FBF1: variants seen among roughly 807,000 people sequenced by gnomAD.
The protein encoded by FBF1 is Fas binding factor 1.
A neutral mutation model predicts 147.2 loss-of-function variants in FBF1; 119 were observed. The observed-to-expected ratio is 0.81, with a 90% CI of 0.70 to 0.94. FBF1 has a LOEUF of 0.94. FBF1 is among the 40% of genes least tolerant of loss of function. The pLI, the probability that FBF1 is intolerant of heterozygous loss-of-function variation, is 0.00. For missense variants in FBF1, 1,449 were observed against 1,500.8 expected (o/e 0.97, Z 0.57); for synonymous variants, 601 against 609.0 (o/e 0.99, Z 0.19).
In FBF1 at chr17:75,925,179, G is replaced by A. The variant is rs1020040859; in HGVS notation, c.968+168C>T. ...TCTCCTCCACTCTGTCTGGGCTGGCGGGACCAGGCCATCTCCCGCTTCCTT... is the reference window on the plus strand; with the variant it reads ...TCTCCTCCACTCTGTCTGGGCTGGCAGGACCAGGCCATCTCCCGCTTCCTT... On this transcript the variant is annotated intron_variant, in intron 13 of 29. Transcript: ENST00000636174. This position sits in a 1 kb window ranked among gnomAD's most constrained non-coding sequence, Gnocchi z 5.0. Among the ~76,000 whole-genome samples, 2 of 152,196 alleles carry A rather than the reference G, an allele frequency of 1.3e-5. No homozygotes were observed. The highest frequency in any genetic ancestry group is 2.1e-4 in the South Asian group (1 of 4,828).
chr17:75,918,252 A>C lies in FBF1; in HGVS notation c.2156T>G (p.Met719Arg), dbSNP rs774295253. Residue 719 changes from methionine (M) to arginine (R), a missense_variant, in exon 21 of 30, where the codon ATG becomes AGG. By Grantham distance (91) the Met-to-Arg change is moderately conservative (BLOSUM62 -1). Transcript: ENST00000636174. This position sits in a 1 kb window ranked among gnomAD's most constrained non-coding sequence, Gnocchi z 5.8. ...CAGCTGCTCCTCGTGGTCTCTGCGCATGTCTAGGATGGACGCCCTGAGGGG... is the reference window on the plus strand; with the variant it reads ...CAGCTGCTCCTCGTGGTCTCTGCGCCTGTCTAGGATGGACGCCCTGAGGGG... The part of the protein sequence containing the change: ...RELQRASILD[M>R]RRDHEEQLQR... 6.2e-6 allele frequency: 10 copies of C among 1,612,814 alleles called. No homozygotes were observed. Among genetic ancestry groups the C allele is most frequent in the Admixed American group, 1.7e-5 (1 of 59,964 alleles).
At position 75,920,050 on chromosome 17, in the gene FBF1, G is replaced by C; in HGVS notation, c.1888C>G (p.Gln630Glu). 2 of 1,601,816 alleles carry C rather than the reference G, an allele frequency of 1.2e-6. No individual in the cohort carries two copies. Among genetic ancestry groups the C allele is most frequent in the Admixed American group, 1.7e-5 (1 of 57,984 alleles). ...QHELLLGSLQ[Q>E]QHQADLELIE... ...AGCTCCAGGTCTGCCTGGTGCTGCT[G>C]CTGCAGACTCCCCAGCAGCAGCTCA... The change falls in exon 19 of 30, where the codon CAG becomes GAG. Residue 630 changes from glutamine to glutamate, a missense_variant. Gln to Glu is a conservative substitution (Grantham distance 29). Coordinates refer to ENST00000636174, the MANE Select transcript of FBF1 (RefSeq NM_001319193.2).
At position 75,925,435 on chromosome 17, in the gene FBF1, T is replaced by A; in HGVS notation, c.880A>T (p.Met294Leu). ...KYQRPQDSED[M>L]WGDEDFTFGA... ...AAGGTGAAGTCCTCGTCACCCCACA[T>A]ATCTTCACTGTCTGTGAATTAAGGA... is the stretch of plus-strand genomic sequence containing the variant. The change falls in exon 13 of 30, where the codon ATG becomes TTG. Residue 294 changes from methionine to leucine, a missense_variant. Coordinates refer to ENST00000636174, the MANE Select transcript of FBF1 (RefSeq NM_001319193.2). This position sits in a 1 kb window ranked among gnomAD's most constrained non-coding sequence, Gnocchi z 5.0. 1 of 1,613,386 alleles carries A rather than the reference T, an allele frequency of 6.2e-7. No individual in the cohort carries two copies. Among genetic ancestry groups the A allele is most frequent in the Non-Finnish European group, 8.5e-7 (1 of 1,179,636 alleles).
chr17:75,927,501 C>T lies in FBF1; in HGVS notation c.429G>A (p.Pro143=), dbSNP rs200565692. ...GGAIPTKKSL[P]SPSSSGHQNR... ...TCTGATGCCCAGAGCTGCTGGGAGA[C>T]GGAAGTGACTTCTTGGTGGGAATGG... The change falls in exon 9 of 30, where the codon CCG becomes CCA. Residue 143 remains proline, a synonymous_variant. Coordinates refer to ENST00000636174, the MANE Select transcript of FBF1 (RefSeq NM_001319193.2). 1.5e-4 allele frequency: 239 copies of T among 1,603,824 alleles called. 1 individual carries two copies. Among genetic ancestry groups the T allele is most frequent in the East Asian group, 1.2e-3 (53 of 43,758 alleles).
At chr17:75,927,370 G>T in intron 9 of FBF1, 85 bp downstream of exon 9, 1 of 1,161,044 alleles carries the variant, frequency 8.6e-7, no homozygotes, top group Non-Finnish European at 1.2e-6. Context: ...ATAGGCAGCA[G>T]CTGGGCCTCG....
chr17:75,926,488 T>C, intron 10 of FBF1, 62 bp from the exon 11 acceptor site: 1 of 1,485,710 alleles, frequency 6.7e-7, no homozygotes, highest in Non-Finnish European at 8.9e-7. Context: ...GATATCTGAA[T>C]GGGGTTGGGG....
chr17:75,909,725 C>T lies in FBF1; in HGVS notation c.*998G>A, dbSNP rs1269779579. ...GAGGGGAGAGGCACGTGGCCAGAGG[C>T]GCCTGGTCCTGACCAATCTTATAGG... On this transcript the variant is annotated 3_prime_UTR_variant, in exon 30 of 30. Transcript: ENST00000636174. 17 of 585,300 alleles carry T rather than the reference C, an allele frequency of 2.9e-5. No homozygotes were observed. Among genetic ancestry groups the T allele is most frequent in the African/African-American group, 7.5e-5 (4 of 53,634 alleles). The allele number at this position is 585,300 out of a possible 1,614,324, so 36.3% of individuals were successfully genotyped here.
At position 75,928,631 on chromosome 17, in the gene FBF1, A is replaced by T. The variant is rs557598000; in HGVS notation, c.280-438T>A. Among the ~76,000 whole-genome samples, 4 of 152,034 alleles carry T rather than the reference A, an allele frequency of 2.6e-5. No homozygotes were observed. Among genetic ancestry groups the T allele is most frequent in the Non-Finnish European group, 5.9e-5 (4 of 68,008 alleles). On this transcript the variant is annotated intron_variant, in intron 7 of 29. Transcript: ENST00000636174. This position sits in a 1 kb window ranked among gnomAD's most constrained non-coding sequence, Gnocchi z 4.2. ...GAGACCATCCTGGCCAACATGATGAAACCCTGTCTCTACAAAAAATACAAA... is the reference window on the plus strand; with the variant it reads ...GAGACCATCCTGGCCAACATGATGATACCCTGTCTCTACAAAAAATACAAA...
chr17:75,932,587 A>G (rs1414404575), intron 5 of FBF1, among the ~76,000 whole-genome samples: 1 of 151,902 alleles, frequency 6.6e-6, no homozygotes, highest in Non-Finnish European at 1.5e-5. Context: ...TTCACTAAAA[A>G]TACCAAAATT....
intron 1 of FBF1, 33 bp from the exon 2 acceptor site, chr17:75,938,265 A>G: frequency 4.0e-6 from 6 of 1,495,412 alleles, no homozygotes; most frequent in Non-Finnish European, 5.5e-6. Flanking sequence ...TTGCTTAAAA[A>G]TGATGTAGCT....
intron 28 of FBF1, 64 bp from the exon 29 acceptor site, chr17:75,912,371 T>A: frequency 7.7e-7 from 1 of 1,292,998 alleles, no homozygotes; most frequent in Non-Finnish European, 1.1e-6. Flanking sequence ...CGGTCACAGC[T>A]TGTTCCTGCA....
Position 75,913,730 on chromosome 17 carries a change from G to A in FBF1, c.3219C>T (p.Ala1073=), listed in dbSNP as rs2065469247. 1 of 1,600,126 alleles carries A rather than the reference G, an allele frequency of 6.2e-7. No individual in the cohort carries two copies. Among genetic ancestry groups the A allele is most frequent in the Non-Finnish European group, 8.5e-7 (1 of 1,179,124 alleles). ...PSSLVGLFPR[A]QGPAASSQSA... ...TCTGGCTGGAGGCTGCAGGGCCCTG[G>A]GCCCTGGGGAACAGACCCACGAGGC... Residue 1073 remains alanine, a synonymous_variant, in exon 28 of 30, where the codon GCC becomes GCT. Transcript: ENST00000636174.
rs746986305 is a variant in FBF1 at position 75,919,868 on chromosome 17, G to A, written c.1938C>T (p.Arg646=). The part of the protein sequence containing the change: ...LELIESAHRS[R]IKVLETSYQQ... ...GGTACGATGTTTCTAGCACCTTGAT[G>A]CGGCTTCTGCCAACAGAACACCCAG... is the stretch of plus-strand genomic sequence containing the variant. Residue 646 remains arginine (R), a synonymous_variant, in exon 20 of 30, where the codon CGC becomes CGT. Coordinates refer to ENST00000636174, the MANE Select transcript of FBF1 (RefSeq NM_001319193.2). This position sits in a 1 kb window ranked among gnomAD's most constrained non-coding sequence, Gnocchi z 5.0. 52 of 1,613,636 alleles carry A rather than the reference G, an allele frequency of 3.2e-5. No individual in the cohort carries two copies. The South Asian group carries it at 5.7e-4, about 18-fold the overall frequency.
rs2065585000 is a variant in FBF1 at position 75,930,011 on chromosome 17, G to A, written c.265C>T (p.Leu89Phe). ...TGTTTCCTTACCTTCATGGCCTGGAGCAGAGCCTGTGGGTCTGCCTCTGAG... is the reference window on the plus strand; with the variant it reads ...TGTTTCCTTACCTTCATGGCCTGGAACAGAGCCTGTGGGTCTGCCTCTGAG... The part of the protein sequence containing the change: ...GISEADPQAL[L>F]QAMKDLDGMD... Residue 89 changes from leucine to phenylalanine, a missense_variant, in exon 7 of 30, where the codon CTC (leucine) becomes TTC (phenylalanine). Coordinates refer to ENST00000636174, the MANE Select transcript of FBF1 (RefSeq NM_001319193.2). 1.3e-6 allele frequency: 2 copies of A among 1,561,688 alleles called. No homozygotes were observed. The highest frequency in any genetic ancestry group is 2.8e-5 in the African/African-American group (2 of 72,310).
intron 10 of FBF1, 51 bp downstream of exon 10, chr17:75,926,707 T>C: frequency 6.3e-7 from 1 of 1,575,060 alleles, no homozygotes; most frequent in East Asian, 2.3e-5. Flanking sequence ...GGTTAGCTTG[T>C]TGCCAATAAA....
Position 75,926,861 on chromosome 17 carries a change from C to G in FBF1, c.492G>C (p.Leu164Phe), listed in dbSNP as rs2065565245. 1 of 1,612,204 alleles carries G rather than the reference C, an allele frequency of 6.2e-7. No individual in the cohort carries two copies. Among genetic ancestry groups the G allele is most frequent in the African/African-American group, 1.3e-5 (1 of 74,934 alleles). The change falls in exon 10 of 30, where the codon TTG becomes TTC. Residue 164 changes from leucine (L) to phenylalanine (F), a missense_variant. Leu to Phe is a conservative substitution (Grantham distance 22, BLOSUM62 0). Coordinates refer to ENST00000636174, the MANE Select transcript of FBF1 (RefSeq NM_001319193.2). ...CTTCATCATAGGAGAGAAGTCCTCT[C>G]AATGGGTCTTCCAAGTCTCACAGCA... ...RFSSEDLEDPLRGLLSYDEGG... is the reference protein window; with the variant it reads ...RFSSEDLEDPFRGLLSYDEGG...
rs2065538923 is a variant in FBF1 at position 75,923,205 on chromosome 17, C to T, written c.1405G>A (p.Gly469Ser). ...SEGLHLAGTA[G>S]HPPSGSQPLT... ...CAGTACCTGCCAGAAGGGGGATGGCCCGCTGTCCCCGCCAAATGCAGGCCC... is the reference window on the plus strand; with the variant it reads ...CAGTACCTGCCAGAAGGGGGATGGCTCGCTGTCCCCGCCAAATGCAGGCCC... Residue 469 changes from glycine (G) to serine (S), a missense_variant, in exon 14 of 30, where the codon GGC becomes AGC. Physicochemically the swap from Gly to Ser is moderately conservative, Grantham distance 56 (BLOSUM62 0). Transcript: ENST00000636174. The surrounding 1 kb of genome is among the most constrained non-coding windows in gnomAD (Gnocchi z 4.1). 6.3e-7 allele frequency: 1 copy of T among 1,586,892 alleles called. No homozygotes were observed. The highest frequency in any genetic ancestry group is 8.6e-7 in the Non-Finnish European group (1 of 1,167,380).
chr17:75,931,239 G>C lies in FBF1; in HGVS notation c.218C>G (p.Ala73Gly), dbSNP rs2065592705. Residue 73 changes from alanine (A) to glycine (G), a missense_variant, in exon 6 of 30, where the codon GCT becomes GGT. Coordinates refer to ENST00000636174, the MANE Select transcript of FBF1 (RefSeq NM_001319193.2). ...VFSTMAGLEE[A>G]DAEVSGISEA... ...AACAGCCAGGCTCACCTCAGCATCA[G>C]CTTCTTCCAGGCCTGCCATGGTGCT... 3 of 1,577,504 alleles carry C rather than the reference G, an allele frequency of 1.9e-6. No individual in the cohort carries two copies. The highest frequency in any genetic ancestry group is 2.6e-6 in the Non-Finnish European group (3 of 1,161,672).
At chr17:75,913,518 A>C in intron 28 of FBF1, 184 bp downstream of exon 28, 1 of 484,004 alleles carries the variant, frequency 2.1e-6, no homozygotes, top group Non-Finnish European at 3.5e-6. Context: ...ATTTTTCATA[A>C]TAGTGTTCCT....
Sources: gnomAD v4.1 joint callset for allele counts (sites outside exome capture counted in the v4.1 genomes callset) on GRCh38, gnomAD v4.1.1 for gene constraint, Gnocchi (gnomAD v3.1) non-coding constraint, MANE v1.5 for transcripts, NCBI Gene and HGNC (gene_info 2026-07-23, HGNC 2026-07-21) for gene names.